COL11A1: variants seen among roughly 807,000 people sequenced by gnomAD.
COL11A1 encodes collagen type XI alpha 1 chain, also known as collagen alpha-1(XI) chain.
A neutral mutation model predicts 265.2 loss-of-function variants in COL11A1; 74 were observed. The ratio of observed to expected loss-of-function variants is 0.28; its 90% CI spans 0.23 to 0.34. The LOEUF (loss-of-function observed/expected upper bound fraction) is 0.34, where lower values mean the gene tolerates loss of function less well. Among genes scored for constraint, COL11A1 ranks in the 10% least tolerant of loss-of-function variants. The pLI, the probability that COL11A1 is intolerant of heterozygous loss-of-function variation, is 1.00. For missense variants in COL11A1, 2,165 were observed against 2,263.6 expected (o/e 0.96, Z 0.88); for synonymous variants, 816 against 727.6 (o/e 1.12, Z -1.96).
At chr1:102,896,415 G>A (rs1362654159) in intron 57 of COL11A1, among the ~76,000 whole-genome samples, 9 of 152,106 alleles carry the variant, frequency 5.9e-5, no homozygotes, top group African/African-American at 2.2e-4. Context: ...GCCATAAATG[G>A]CATTTTGAAG....
intron 23 of COL11A1, among the ~76,000 whole-genome samples, 174 bp downstream of exon 23, chr1:103,002,254 G>A (rs868223103): frequency 6.6e-6 from 1 of 152,024 alleles, no homozygotes; most frequent in Non-Finnish European, 1.5e-5. Context: ...GAAGAGAGGG[G>A]CTTCTGCAAG....
At chr1:102,915,917 G>C (rs1655278655) in intron 49 of COL11A1, among the ~76,000 whole-genome samples, 1 of 152,034 alleles carries the variant, frequency 6.6e-6, no homozygotes, top group African/African-American at 2.4e-5. Context: ...GTCACTGGTT[G>C]GTTAATAGTT....
chr1:102,899,590 A>G (rs1292060464), intron 54 of COL11A1, among the ~76,000 whole-genome samples: 1 of 151,486 alleles, frequency 6.6e-6, no homozygotes, highest in African/African-American at 2.4e-5. Context: ...AGTAAAATTG[A>G]AAAAAAAATT....
chr1:102,889,014 G>A (rs1651390772), intron 59 of COL11A1, 95 bp from the exon 60 acceptor site: 2 of 1,145,010 alleles, frequency 1.7e-6, no homozygotes, highest in African/African-American at 1.5e-5. Flanking sequence ...AGCATACACT[G>A]TAAAATTTAG....
At chr1:102,920,497 A>G (rs1238291597) in intron 48 of COL11A1, 133 bp from the exon 49 acceptor site, 1 of 738,764 alleles carries the variant, frequency 1.4e-6, no homozygotes, top group East Asian at 2.6e-5. Context: ...GAATGAGACT[A>G]AATGATGCTT....
chr1:102,939,047 G>A lies in COL11A1; in HGVS notation c.3426C>T (p.Asp1142=). ...GTAGGAAACTCACATTTTCTCCCTT[G>A]TCACCCTTGCTGCCTTTTTGTCCCG... ...GEPGQKGSKG[D]KGENGPPGPP... The change falls in exon 44 of 67, where the codon GAC becomes GAT. Residue 1142 remains aspartate, a synonymous_variant. Transcript: ENST00000370096. 6.2e-7 allele frequency: 1 copy of A among 1,613,700 alleles called. No homozygotes were observed. The highest frequency in any genetic ancestry group is 8.5e-7 in the Non-Finnish European group (1 of 1,179,792).
chr1:103,051,022 C>T (rs1161404717), intron 4 of COL11A1, among the ~76,000 whole-genome samples: 1 of 152,190 alleles, frequency 6.6e-6, no homozygotes, highest in Non-Finnish European at 1.5e-5. Context: ...CTGGGGGATG[C>T]CTCCCAGTTA....
chr1:103,012,531 T>C (rs1666217147), intron 13 of COL11A1, 62 bp from the exon 14 acceptor site: 6 of 1,256,584 alleles, frequency 4.8e-6, no homozygotes, highest in Middle Eastern at 1.9e-4. Flanking sequence ...TAAAGTACAA[T>C]ATGAATCTGC....
chr1:102,928,234 A>T (rs983073250), intron 46 of COL11A1, among the ~76,000 whole-genome samples: 2 of 151,756 alleles, frequency 1.3e-5, no homozygotes, highest in African/African-American at 2.4e-5. Flanking sequence ...ATATCTCCCA[A>T]TGCTATCCCT....
In COL11A1 at chr1:103,022,910, T is replaced by C. The variant is rs948094165; in HGVS notation, c.1077A>G (p.Leu359=). The change falls in exon 8 of 67, where the codon CTA becomes CTG. Residue 359 remains leucine, a synonymous_variant. Transcript: ENST00000370096. ...DSQRKNSEDT[L]YENKEIDGRD... ...TGCCGTCTATTTCTTTGTTTTCATA[T>C]AGTGTATCCTCAGAATTTTTCCTCT... 1.2e-6 allele frequency: 2 copies of C among 1,613,794 alleles called. No homozygotes were observed. Among genetic ancestry groups the C allele is most frequent in the South Asian group, 1.1e-5 (1 of 91,076 alleles).
chr1:103,006,584 C>CTGGA (rs1665645080), intron 15 of COL11A1, among the ~76,000 whole-genome samples: 1 of 116,874 alleles, frequency 8.6e-6, no homozygotes. Flanking sequence ...GTCGCCTAGG[C>CTGGA]TGGAGCCCAG....
chr1:102,973,185 CTTG>C (rs1286300769), intron 36 of COL11A1, among the ~76,000 whole-genome samples: 2 of 152,068 alleles, frequency 1.3e-5, no homozygotes, highest in African/African-American at 4.8e-5. Flanking sequence ...TAATGTTTCA[CTTG>C]TTAGAGAAAC....
At position 103,021,835 on chromosome 1, in the gene COL11A1, CTT is replaced by C. The variant is rs1667102429; in HGVS notation, c.1246-68_1246-67del. On this transcript the variant is annotated intron_variant, in intron 8 of 66. Coordinates refer to ENST00000370096, the MANE Select transcript of COL11A1 (RefSeq NM_001854.4). ...GACCATTTCTTTCTTTCTTTCTTTT[CTT>C]CTTTTTTTTTTTCTTTCTTTCTTTT... The C allele has an allele frequency of 2.8e-6, 3 of 1,089,082 alleles. No homozygotes were observed. In the African/African-American group the frequency reaches 8.5e-5, roughly 31 times the overall value. The allele number at this position is 1,089,082 out of a possible 1,614,324, so 67.5% of individuals were successfully genotyped here.
Position 103,023,370 on chromosome 1 carries a change from C to CTTTTTT in COL11A1, c.991-380_991-375dup, listed in dbSNP as rs112800509. Reference sequence around the variant, plus strand: ...AGCTTTGCTTAATGTTTTTTTCTTTCTTTTTTTTTTTTGAGATGGATGGAG... The same window carrying CTTTTTT: ...AGCTTTGCTTAATGTTTTTTTCTTTCTTTTTTTTTTTTTTTTTTGAGATGGATGGAG... On this transcript the variant is annotated intron_variant, in intron 7 of 66. Transcript: ENST00000370096. Among the ~76,000 whole-genome samples, 49 of 143,000 alleles carry CTTTTTT rather than the reference C, an allele frequency of 3.4e-4. 1 individual carries two copies. Among genetic ancestry groups the CTTTTTT allele is most frequent in the African/African-American group, 1.2e-3 (47 of 39,260 alleles). 93.8% of individuals were successfully genotyped at this position (143,000 alleles called of 152,430 possible).
In COL11A1 at chr1:102,914,503, C is replaced by A. The variant is rs1259823164; in HGVS notation, c.3925-98G>T. ...TGAAGAGGTTAAAGTCATGACAAAA[C>A]CTGCTGAGAATATTTCTCTTCTCCC... On this transcript the variant is annotated intron_variant, in intron 51 of 66. Coordinates refer to ENST00000370096, the MANE Select transcript of COL11A1 (RefSeq NM_001854.4). 5 of 1,216,804 alleles carry A rather than the reference C, an allele frequency of 4.1e-6. No individual in the cohort carries two copies. The East Asian group carries it at 1.3e-4, about 31-fold the overall frequency. 75.4% of individuals were successfully genotyped at this position (1,216,804 alleles called of 1,614,324 possible). A position where few individuals can be genotyped will look rare whatever the true frequency, so the allele number is the denominator to read the frequency against.
intron 66 of COL11A1, 29 bp from the exon 67 acceptor site, chr1:102,878,194 A>T: frequency 6.3e-7 from 1 of 1,581,664 alleles, no homozygotes; most frequent in Non-Finnish European, 8.6e-7. Flanking sequence ...ATAAAAAGTT[A>T]TACAATCTTT....
At chr1:102,941,756 A>G (rs553460256) in intron 42 of COL11A1, among the ~76,000 whole-genome samples, 2 of 152,258 alleles carry the variant, frequency 1.3e-5, no homozygotes. Context: ...GACATACACT[A>G]TTACATTCCA....
intron 41 of COL11A1, among the ~76,000 whole-genome samples, chr1:102,958,437 C>T (rs1029710097): frequency 6.6e-6 from 1 of 151,840 alleles, no homozygotes; most frequent in Non-Finnish European, 1.5e-5. Flanking sequence ...GAAAACCATC[C>T]AGTTTTTGTT....
At chr1:103,101,742 A>G (rs1283454149) in intron 1 of COL11A1, among the ~76,000 whole-genome samples, 2 of 138,582 alleles carry the variant, frequency 1.4e-5, no homozygotes, top group African/African-American at 6.0e-5. Flanking sequence ...GCTTTTTAAG[A>G]AAAAAAAAAA....
Sources: allele counts gnomAD v4.1 joint callset (sites outside exome capture counted in the v4.1 genomes callset), GRCh38; gene constraint gnomAD v4.1.1; transcripts MANE v1.5; gene names NCBI Gene and HGNC (gene_info 2026-07-23, HGNC 2026-07-21).